The following HTR3B variants were observed in gnomAD, a reference collection of about 807,000 sequenced individuals.
HTR3B encodes the protein 5-hydroxytryptamine receptor 3B, also known as 5-hydroxytryptamine (serotonin) receptor 3B, ionotropic.
A neutral mutation model predicts 42.8 loss-of-function variants in HTR3B; 44 were observed. That is an observed-to-expected ratio of 1.03 (90% CI 0.81 to 1.32). The LOEUF (loss-of-function observed/expected upper bound fraction) is 1.32. HTR3B is among the 40% of genes most tolerant of loss of function. HTR3B has a pLI of 0.00. For missense variants in HTR3B, 527 were observed against 536.5 expected, an observed-to-expected ratio of 0.98 and a Z score of 0.17; for synonymous variants, 203 against 209.0, an observed-to-expected ratio of 0.97 and a Z score of 0.25.
chr11:113,929,108 C>T (rs1950006064), intron 2 of HTR3B, among the ~76,000 whole-genome samples: 2 of 152,334 alleles, frequency 1.3e-5, no homozygotes, highest in South Asian at 4.1e-4. Flanking sequence ...TCCACAGCAG[C>T]TGCACCATTT....
Position 113,947,479 on chromosome 11 carries a change from C to T in HTR3B, c.*1342C>T, listed in dbSNP as rs1000272816. On this transcript the variant is annotated 3_prime_UTR_variant, in exon 9 of 9. Transcript: ENST00000260191. Reference sequence around the variant, plus strand: ...CTTTAAGAGAGATTTATTTTCTCACCAGTCTGGAAGCTAGAAGCCTAAGAT... The same window carrying T: ...CTTTAAGAGAGATTTATTTTCTCACTAGTCTGGAAGCTAGAAGCCTAAGAT... 2.0e-5 allele frequency among the ~76,000 whole-genome samples: 3 copies of T among 152,162 alleles called. No homozygotes were observed. Among genetic ancestry groups the T allele is most frequent in the Non-Finnish European group, 2.9e-5 (2 of 68,020 alleles).
At chr11:113,912,954 C>CT (rs1166827578) in intron 2 of HTR3B, among the ~76,000 whole-genome samples, 1 of 149,468 alleles carries the variant, frequency 6.7e-6, no homozygotes, top group Non-Finnish European at 1.5e-5. Flanking sequence ...TGGGCACAGT[C>CT]TTTTTTTAGA....
At chr11:113,905,462 G>A (rs1231398819) in intron 1 of HTR3B, among the ~76,000 whole-genome samples, 1 of 152,116 alleles carries the variant, frequency 6.6e-6, no homozygotes, top group African/African-American at 2.4e-5. Flanking sequence ...TGGTATTAGA[G>A]GCCTTAACAT....
chr11:113,918,539 G>A (rs61907889), intron 2 of HTR3B, among the ~76,000 whole-genome samples: 4,251 of 151,138 alleles, frequency 0.028, 103 homozygotes, highest in Admixed American at 0.058. Context: ...TTTTCCTTTA[G>A]CATAATTCCC....
upstream of HTR3B, among the ~76,000 whole-genome samples, chr11:113,904,481 A>G (rs184161350): frequency 2.7e-4 from 41 of 152,368 alleles, no homozygotes; most frequent in Non-Finnish European, 5.3e-4. Flanking sequence ...ATGTTACTGC[A>G]TAAGTCTGAT....
At chr11:113,915,198 G>GTTTGTTGTTTGT (rs756067417) in intron 2 of HTR3B, among the ~76,000 whole-genome samples, 2 of 151,436 alleles carry the variant, frequency 1.3e-5, no homozygotes, top group Admixed American at 6.6e-5. Context: ...TTTTTTGTTT[G>GTTTGTTGTTTGT]TTTGTTTTGT....
At chr11:113,921,931 G>GA (rs1339461448) in intron 2 of HTR3B, among the ~76,000 whole-genome samples, 1 of 152,082 alleles carries the variant, frequency 6.6e-6, no homozygotes, top group African/African-American at 2.4e-5. Flanking sequence ...ACAGAAATCT[G>GA]AAAAAATTTT....
intron 1 of HTR3B, 98 bp downstream of exon 1, chr11:113,905,083 G>A (rs1198431955): frequency 1.2e-6 from 1 of 818,840 alleles, no homozygotes; most frequent in Non-Finnish European, 2.0e-6. Flanking sequence ...TCTCAGGCAT[G>A]TTTGTTTTTA....
chr11:113,930,488 T>A (rs1950023000), intron 2 of HTR3B, among the ~76,000 whole-genome samples: 10 of 117,130 alleles, frequency 8.5e-5, no homozygotes, highest in Admixed American at 7.4e-4. Context: ...TTCTTTTCTC[T>A]TTTTTTTTTT....
intron 6 of HTR3B, among the ~76,000 whole-genome samples, chr11:113,933,480 T>C (rs938674246): frequency 2.0e-5 from 3 of 150,238 alleles, no homozygotes; most frequent in Non-Finnish European, 4.4e-5. Context: ...AACATTATTG[T>C]CCTATTTTTT....
At chr11:113,930,893 A>T (rs1358145020) in intron 2 of HTR3B, among the ~76,000 whole-genome samples, 1 of 152,162 alleles carries the variant, frequency 6.6e-6, no homozygotes, top group Admixed American at 6.5e-5. Flanking sequence ...AATATGTTTC[A>T]TTTATAATAA....
At chr11:113,936,453 G>A (rs1591584626) in intron 6 of HTR3B, among the ~76,000 whole-genome samples, 1 of 152,198 alleles carries the variant, frequency 6.6e-6, no homozygotes, top group East Asian at 1.9e-4. Flanking sequence ...TTTTTTTCTA[G>A]ATTAGGTAGA....
At chr11:113,907,286 T>C (rs1054482251) in intron 1 of HTR3B, among the ~76,000 whole-genome samples, 7 of 152,224 alleles carry the variant, frequency 4.6e-5, no homozygotes, top group Non-Finnish European at 5.9e-5. Flanking sequence ...CATCAGTGTC[T>C]GTTGAAACAT....
intron 6 of HTR3B, among the ~76,000 whole-genome samples, chr11:113,933,482 C>T (rs1165489104): frequency 6.7e-6 from 1 of 150,126 alleles, no homozygotes; most frequent in African/African-American, 2.5e-5. Flanking sequence ...CATTATTGTC[C>T]TATTTTTTTT....
chr11:113,903,274 G>A (rs1949708109), upstream of HTR3B, among the ~76,000 whole-genome samples: 1 of 152,070 alleles, frequency 6.6e-6, no homozygotes, highest in Non-Finnish European at 1.5e-5. Flanking sequence ...TGAATTTTTG[G>A]CAAGACTATA....
At chr11:113,927,644 C>T (rs958463274) in intron 2 of HTR3B, among the ~76,000 whole-genome samples, 1 of 151,734 alleles carries the variant, frequency 6.6e-6, no homozygotes, top group African/African-American at 2.4e-5. Context: ...CTCACTACAA[C>T]CTCTGCCTCC....
chr11:113,912,357 C>A (rs1474264247), intron 2 of HTR3B, among the ~76,000 whole-genome samples: 6 of 152,162 alleles, frequency 3.9e-5, no homozygotes, highest in Admixed American at 2.6e-4. Context: ...CATTCTCCTG[C>A]CTCAGCCTCC....
intron 2 of HTR3B, among the ~76,000 whole-genome samples, chr11:113,909,769 G>A (rs1949768050): frequency 1.3e-5 from 2 of 152,030 alleles, no homozygotes; most frequent in Admixed American, 6.6e-5. Context: ...GATCACTTGA[G>A]CACACGAGTT....
At position 113,933,109 on chromosome 11, in the gene HTR3B, C is replaced by T; in HGVS notation, c.696+16C>T. ...TCAGTTTAATGTAGGTTCTTTACTA[C>T]CTGTCCCCGTTGCCCGCTTCTCCCC... On this transcript the variant is annotated intron_variant, in intron 6 of 8. Coordinates refer to ENST00000260191, the MANE Select transcript of HTR3B (RefSeq NM_006028.5). 1.2e-6 allele frequency: 2 copies of T among 1,606,904 alleles called. No individual in the cohort carries two copies. The highest frequency in any genetic ancestry group is 1.7e-6 in the Non-Finnish European group (2 of 1,175,300).
Sources: allele counts gnomAD v4.1 joint callset (sites outside exome capture counted in the v4.1 genomes callset), GRCh38; gene constraint gnomAD v4.1.1; transcripts MANE v1.5; gene names NCBI Gene and HGNC (gene_info 2026-07-23, HGNC 2026-07-21).